KIF26B: variants seen among roughly 807,000 people sequenced by gnomAD.
KIF26B encodes the protein kinesin family member 26B, also known as kinesin-like protein KIF26B.
Under a neutral mutation model 151.2 loss-of-function variants are expected in KIF26B, and 63 were observed. That is an observed-to-expected ratio of 0.42 (90% CI 0.34 to 0.51). The LOEUF is 0.51. Ranked by LOEUF, KIF26B falls within the 20% of genes least tolerant of loss-of-function variation. The probability of loss-of-function intolerance (pLI) is 0.07; values close to 1 mark genes in which losing one functional copy is unlikely to be tolerated. For missense variants in KIF26B, 2,813 were observed against 2,913.6 expected (o/e 0.97, Z 0.79); for synonymous variants, 1,357 against 1,262.1 (o/e 1.08, Z -1.59).
chr1:245,555,110 G>C (rs913435719), intron 5 of KIF26B, among the ~76,000 whole-genome samples: 7 of 152,154 alleles, frequency 4.6e-5, no homozygotes, highest in Non-Finnish European at 7.3e-5. Flanking sequence ...CAAAATTCCA[G>C]TGTTTCCTAG....
chr1:245,200,108 A>G (rs1669271607), intron 2 of KIF26B, among the ~76,000 whole-genome samples: 1 of 152,148 alleles, frequency 6.6e-6, no homozygotes, highest in African/African-American at 2.4e-5. Context: ...ACTCTCGTTA[A>G]TCCCACACGA....
intron 2 of KIF26B, among the ~76,000 whole-genome samples, chr1:245,293,921 A>G (rs1671296222): frequency 6.6e-6 from 1 of 152,218 alleles, no homozygotes; most frequent in African/African-American, 2.4e-5. Context: ...ATAAAATGGA[A>G]TGTAGTCATT....
chr1:245,623,924 T>A (rs1000439339), intron 9 of KIF26B, among the ~76,000 whole-genome samples: 4 of 152,182 alleles, frequency 2.6e-5, no homozygotes, highest in African/African-American at 9.7e-5. Context: ...TCGCCCAAAT[T>A]TCATGTTGAA....
intron 11 of KIF26B, 85 bp from the exon 12 acceptor site, chr1:245,685,320 G>A (rs2044495467): frequency 2.6e-6 from 3 of 1,151,768 alleles, no homozygotes; most frequent in South Asian, 3.0e-5. Flanking sequence ...GTCGTCAGGG[G>A]CCTTCACCAC....
At chr1:245,628,002 CAA>C (rs1000371643) in intron 9 of KIF26B, among the ~76,000 whole-genome samples, 2 of 152,020 alleles carry the variant, frequency 1.3e-5, no homozygotes, top group African/African-American at 4.8e-5. Flanking sequence ...GCCTACCAAC[CAA>C]AAAAAGTCCA....
At chr1:245,436,807 A>G (rs1281145739) in intron 4 of KIF26B, among the ~76,000 whole-genome samples, 3 of 151,568 alleles carry the variant, frequency 2.0e-5, no homozygotes, top group Admixed American at 1.3e-4. Context: ...AACAACTTGT[A>G]TTTAGTGCAA....
intron 4 of KIF26B, among the ~76,000 whole-genome samples, chr1:245,537,795 G>C (rs1342225374): frequency 2.0e-5 from 3 of 152,164 alleles, no homozygotes; most frequent in Non-Finnish European, 4.4e-5. Context: ...AGCTTGAGAT[G>C]TTTATTAGAT....
At chr1:245,670,107 C>T (rs1230642637) in intron 10 of KIF26B, among the ~76,000 whole-genome samples, 3 of 152,090 alleles carry the variant, frequency 2.0e-5, no homozygotes, top group African/African-American at 7.2e-5. Context: ...CCAAAAACCA[C>T]TTGGACCCCT....
In KIF26B at chr1:245,688,547, C is replaced by T. The variant is rs1329855621; in HGVS notation, c.5564C>T (p.Thr1855Met). ...HLLPSPYSKI[T>M]PPRRPHRCSS... ...CTCCCGTCGCCCTACAGCAAGATCACGCCCCCGCGGAGGCCCCACCGCTGC... is the reference window on the plus strand; with the variant it reads ...CTCCCGTCGCCCTACAGCAAGATCATGCCCCCGCGGAGGCCCCACCGCTGC... The change falls in exon 12 of 15, where the codon ACG (threonine) becomes ATG (methionine). Residue 1855 changes from threonine to methionine, a missense_variant. By Grantham distance (81) the Thr-to-Met change is moderately conservative (BLOSUM62 -1). Coordinates refer to ENST00000407071, the MANE Select transcript of KIF26B (RefSeq NM_018012.4). 1.3e-6 allele frequency: 2 copies of T among 1,541,814 alleles called. No homozygotes were observed. Among genetic ancestry groups the T allele is most frequent in the Admixed American group, 2.0e-5 (1 of 51,016 alleles).
chr1:245,492,925 C>T (rs74372961), intron 4 of KIF26B, among the ~76,000 whole-genome samples: 5,046 of 152,136 alleles, frequency 0.033, 135 homozygotes, highest in Non-Finnish European at 0.05. Context: ...GGACTACAGG[C>T]GCGCCCCACC....
rs1553274017 is a variant in KIF26B, at chr1:245,433,485, A to AGAC, written c.1166+13742_1166+13743insCGA. Among the ~76,000 whole-genome samples, 3 of 151,498 alleles carry AGAC rather than the reference A, an allele frequency of 2.0e-5. No individual in the cohort carries two copies. In the East Asian group the frequency reaches 5.8e-4, roughly 29 times the overall value. ...CTGTCTCAAAAAAAAAAAAAGAAGA[A>AGAC]GAAGAAGAAGAAGAAGTAAGAAGTT... is the stretch of plus-strand genomic sequence containing the variant. On this transcript the variant is annotated intron_variant, in intron 4 of 14. Coordinates refer to ENST00000407071, the MANE Select transcript of KIF26B (RefSeq NM_018012.4).
At chr1:245,682,924 C>T (rs1385491710) in intron 10 of KIF26B, among the ~76,000 whole-genome samples, 2 of 152,224 alleles carry the variant, frequency 1.3e-5, no homozygotes, top group African/African-American at 4.8e-5. Context: ...CCTCCTCCTC[C>T]TCCTCTATAT....
intron 3 of KIF26B, among the ~76,000 whole-genome samples, chr1:245,415,579 A>T (rs1230842464): frequency 6.6e-6 from 1 of 152,096 alleles, no homozygotes; most frequent in Non-Finnish European, 1.5e-5. Flanking sequence ...AATCATCTAC[A>T]ATGGATATGA....
At chr1:245,677,498 A>G (rs2044371021) in intron 10 of KIF26B, among the ~76,000 whole-genome samples, 1 of 152,254 alleles carries the variant, frequency 6.6e-6, no homozygotes, top group Admixed American at 6.5e-5. Flanking sequence ...TTGAGCAGCA[A>G]GTACTTTAAC....
At chr1:245,327,044 A>G (rs561502316) in intron 2 of KIF26B, among the ~76,000 whole-genome samples, 2 of 152,306 alleles carry the variant, frequency 1.3e-5, no homozygotes, top group Non-Finnish European at 2.9e-5. Flanking sequence ...AGGTTCAGCA[A>G]TGTTGGAACC....
At chr1:245,290,115 C>G (rs12748466) in intron 2 of KIF26B, among the ~76,000 whole-genome samples, 3 of 152,024 alleles carry the variant, frequency 2.0e-5, no homozygotes, top group Non-Finnish European at 4.4e-5. Context: ...CTTGTCACCT[C>G]TATATCTCCA....
intron 2 of KIF26B, among the ~76,000 whole-genome samples, chr1:245,182,757 T>G (rs1668930102): frequency 1.3e-5 from 2 of 152,168 alleles, no homozygotes; most frequent in South Asian, 4.1e-4. Context: ...TGCCCCAGCC[T>G]CCCGAGTAGC....
intron 5 of KIF26B, among the ~76,000 whole-genome samples, chr1:245,566,070 C>T (rs1303558747): frequency 6.6e-6 from 1 of 152,230 alleles, no homozygotes. Flanking sequence ...CTAAGCCATT[C>T]ATAAGGGATC....
At chr1:245,507,691 A>C (rs971927685) in intron 4 of KIF26B, among the ~76,000 whole-genome samples, 2 of 152,160 alleles carry the variant, frequency 1.3e-5, no homozygotes, top group African/African-American at 4.8e-5. Flanking sequence ...GCTGGTGAAC[A>C]TGAGAGACAG....
Sources: gnomAD v4.1 joint callset for allele counts (sites outside exome capture counted in the v4.1 genomes callset) on GRCh38, gnomAD v4.1.1 for gene constraint, MANE v1.5 for transcripts, NCBI Gene and HGNC (gene_info 2026-07-23, HGNC 2026-07-21) for gene names.